AK7: variants seen among roughly 807,000 people sequenced by gnomAD.
AK7 encodes the protein ATP-AMP transphosphorylase 7.
Under a neutral mutation model 96.6 loss-of-function variants are expected in AK7, and 78 were observed. The ratio of observed to expected loss-of-function variants is 0.81; its 90% CI spans 0.67 to 0.97. AK7 has a LOEUF of 0.97. Among genes scored for constraint, AK7 ranks in the 50% least tolerant of loss-of-function variants. The pLI is 0.00. For missense variants in AK7, 855 were observed against 887.9 expected, an observed-to-expected ratio of 0.96 and a Z score of 0.47; for synonymous variants, 302 against 317.2, an observed-to-expected ratio of 0.95 and a Z score of 0.51.
intron 5 of AK7, among the ~76,000 whole-genome samples, chr14:96,432,695 A>T (rs1290339719): frequency 6.6e-6 from 1 of 151,988 alleles, no homozygotes; most frequent in East Asian, 1.9e-4. Context: ...TTTCTTTAAG[A>T]ATGTTGAGGC....
In AK7 at chr14:96,451,491, T is replaced by C. The variant is rs1297224217; in HGVS notation, c.1019T>C (p.Ile340Thr). The change falls in exon 10 of 18, where the codon ATT becomes ACT. Residue 340 changes from isoleucine to threonine, a missense_variant. Transcript: ENST00000267584. ...CTCTTTGTGAAGGAGAATTTTAATA[T>C]TCGATGGGCTGCCCAAACAGGATTT... ...EALFVKENFN[I>T]RWAAQTGFVE... 2 of 1,603,892 alleles carry C rather than the reference T, an allele frequency of 1.2e-6. No homozygotes were observed. The highest frequency in any genetic ancestry group is 1.7e-6 in the Non-Finnish European group (2 of 1,174,594).
At chr14:96,469,548 G>A (rs938773216) in intron 12 of AK7, among the ~76,000 whole-genome samples, 3 of 151,890 alleles carry the variant, frequency 2.0e-5, no homozygotes, top group African/African-American at 7.3e-5. Context: ...AAAATAGACG[G>A]CTTAAATAAA....
chr14:96,460,971 A>G (rs1203020156), intron 12 of AK7, among the ~76,000 whole-genome samples: 8 of 152,190 alleles, frequency 5.3e-5, no homozygotes, highest in Admixed American at 5.2e-4. Flanking sequence ...TGCAAACACC[A>G]AGTGTTCGCT....
chr14:96,460,537 C>T (rs1894197316), intron 12 of AK7, among the ~76,000 whole-genome samples: 1 of 152,182 alleles, frequency 6.6e-6, no homozygotes, highest in South Asian at 2.1e-4. Flanking sequence ...TGAGATTCTC[C>T]TACTGAGAAC....
At chr14:96,419,273 T>C (rs1891530680) in intron 4 of AK7, among the ~76,000 whole-genome samples, 1 of 152,150 alleles carries the variant, frequency 6.6e-6, no homozygotes, top group African/African-American at 2.4e-5. Context: ...ACATGTTATT[T>C]ATTTTGGGGA....
chr14:96,472,034 CT>C (rs1894924637), intron 13 of AK7, among the ~76,000 whole-genome samples: 1 of 152,146 alleles, frequency 6.6e-6, no homozygotes, highest in Admixed American at 6.6e-5. Context: ...CACCATCCCA[CT>C]CTTTCATTCT....
intron 12 of AK7, among the ~76,000 whole-genome samples, chr14:96,463,935 C>T (rs915140629): frequency 6.6e-6 from 1 of 152,008 alleles, no homozygotes; most frequent in Admixed American, 6.6e-5. Context: ...GAAGCCTGGA[C>T]GTGGCTGCAT....
At chr14:96,425,772 C>A (rs979479480) in intron 5 of AK7, among the ~76,000 whole-genome samples, 1 of 152,112 alleles carries the variant, frequency 6.6e-6, no homozygotes, top group Non-Finnish European at 1.5e-5. Context: ...GTGTGAGCCA[C>A]CGTGCCCAGC....
intron 5 of AK7, among the ~76,000 whole-genome samples, chr14:96,433,791 G>A (rs1892489456): frequency 6.6e-6 from 1 of 152,058 alleles, no homozygotes; most frequent in African/African-American, 2.4e-5. Context: ...TTAATAGGGG[G>A]TTTTCAAGCT....
At position 96,486,609 on chromosome 14, in the gene AK7, A is replaced by G. The variant is rs1001740261; in HGVS notation, c.1975-289A>G. 3.3e-5 allele frequency among the ~76,000 whole-genome samples: 5 copies of G among 151,134 alleles called. No individual in the cohort carries two copies. The East Asian group carries it at 7.8e-4, about 23-fold the overall frequency. On this transcript the variant is annotated intron_variant, in intron 16 of 17. Coordinates refer to ENST00000267584, the MANE Select transcript of AK7 (RefSeq NM_152327.5). ...AAGAATTGCACATGTCACTATCCCA[A>G]TGCCCTCCAGACTTTCTAGTGGCAT... is the stretch of plus-strand genomic sequence containing the variant.
At chr14:96,470,057 AT>A (rs1894800429) in intron 12 of AK7, among the ~76,000 whole-genome samples, 1 of 152,080 alleles carries the variant, frequency 6.6e-6, no homozygotes, top group Admixed American at 6.6e-5. Flanking sequence ...ACCTCAGGTA[AT>A]CCACCCACCT....
rs1821102874 is a variant in AK7, at chr14:96,458,022, A to G, written c.1228-61A>G. 147 of 1,587,314 alleles carry G rather than the reference A, an allele frequency of 9.3e-5. No individual in the cohort carries two copies. The South Asian group carries it at 1.7e-3, about 18-fold the overall frequency. On this transcript the variant is annotated intron_variant, in intron 11 of 17. Transcript: ENST00000267584. Reference sequence around the variant, plus strand: ...TTTTTCCAGGATCACCTGCCAGCTGATTTGTGAATAGCAAATGGATGTGGG... The same window carrying G: ...TTTTTCCAGGATCACCTGCCAGCTGGTTTGTGAATAGCAAATGGATGTGGG...
At chr14:96,437,498 T>A (rs1892703320) in intron 5 of AK7, among the ~76,000 whole-genome samples, 1 of 152,168 alleles carries the variant, frequency 6.6e-6, no homozygotes, top group South Asian at 2.1e-4. Context: ...AGGTACTAGA[T>A]CATTAAAGAT....
At chr14:96,431,707 G>C (rs1035902141) in intron 5 of AK7, among the ~76,000 whole-genome samples, 2 of 152,214 alleles carry the variant, frequency 1.3e-5, no homozygotes, top group Non-Finnish European at 2.9e-5. Context: ...TAAGTGCAAT[G>C]TGGTGCTAAG....
chr14:96,458,114 A>G lies in AK7; in HGVS notation c.1259A>G (p.Glu420Gly). Reference sequence around the variant, plus strand: ...ATTGTTGCCCCTAACGATGTAGGGGAAGGAGAAGAAGAAGTCGAAGAGGAA... The same window carrying G: ...ATTGTTGCCCCTAACGATGTAGGGGGAGGAGAAGAAGAAGTCGAAGAGGAA... ...EAIVAPNDVGEGEEEVEEEEE... is the reference protein window; with the variant it reads ...EAIVAPNDVGGGEEEVEEEEE... The change falls in exon 12 of 18, where the codon GAA (glutamate) becomes GGA (glycine). Residue 420 changes from glutamate to glycine, a missense_variant. Transcript: ENST00000267584. 6.2e-7 allele frequency: 1 copy of G among 1,613,686 alleles called. No homozygotes were observed. Among genetic ancestry groups the G allele is most frequent in the Non-Finnish European group, 8.5e-7 (1 of 1,179,836 alleles).
intron 8 of AK7, among the ~76,000 whole-genome samples, chr14:96,446,808 C>T (rs1194640681): frequency 6.6e-6 from 1 of 151,950 alleles, no homozygotes; most frequent in Non-Finnish European, 1.5e-5. Flanking sequence ...GGCATAATGG[C>T]GGGTGCCTGT....
chr14:96,459,068 T>A (rs1381938777), intron 12 of AK7, among the ~76,000 whole-genome samples: 1 of 152,078 alleles, frequency 6.6e-6, no homozygotes, highest in Non-Finnish European at 1.5e-5. Flanking sequence ...CTGTGCCCGG[T>A]GGCTCACACC....
At chr14:96,424,223 G>C in intron 5 of AK7, 1 of 467,206 alleles carries the variant, frequency 2.1e-6, no homozygotes, top group South Asian at 2.1e-5. Context: ...GCGTGGCGGG[G>C]CCGAGCGGAG....
chr14:96,393,875 G>A (rs934353523), intron 1 of AK7, among the ~76,000 whole-genome samples: 4 of 152,076 alleles, frequency 2.6e-5, no homozygotes, highest in South Asian at 2.1e-4. Context: ...TTGGGAGGCC[G>A]AGGTGGGTGG....
Sources: allele counts gnomAD v4.1 joint callset (sites outside exome capture counted in the v4.1 genomes callset), GRCh38; gene constraint gnomAD v4.1.1; transcripts MANE v1.5; gene names NCBI Gene and HGNC (gene_info 2026-07-23, HGNC 2026-07-21).